TBC1D22A: variants seen among roughly 807,000 people sequenced by gnomAD.
TBC1D22A encodes putative GTPase activator.
TBC1D22A carries 38 observed loss-of-function variants against 60.2 expected under a neutral mutation model. The observed-to-expected ratio is 0.63, with a 90% CI of 0.49 to 0.83. TBC1D22A has a LOEUF of 0.83. Ranked by LOEUF, TBC1D22A falls within the 40% of genes least tolerant of loss-of-function variation. The pLI is 0.00. For missense variants in TBC1D22A, 628 were observed against 701.0 expected, an observed-to-expected ratio of 0.90 and a Z score of 1.18; for synonymous variants, 302 against 281.7, an observed-to-expected ratio of 1.07 and a Z score of -0.72.
intron 9 of TBC1D22A, among the ~76,000 whole-genome samples, chr22:46,978,040 G>T (rs1477143872): frequency 2.0e-5 from 3 of 152,222 alleles, no homozygotes; most frequent in Non-Finnish European, 4.4e-5. Context: ...GGTCCTCCAG[G>T]AGCGAACAGC....
intron 9 of TBC1D22A, among the ~76,000 whole-genome samples, chr22:46,983,388 G>T (rs2074592079): frequency 6.6e-6 from 1 of 152,234 alleles, no homozygotes; most frequent in African/African-American, 2.4e-5. Flanking sequence ...TGAGTTGTGT[G>T]GTAGCTTTGA....
At chr22:46,963,100 A>T (rs1602688844) in intron 8 of TBC1D22A, among the ~76,000 whole-genome samples, 1 of 151,580 alleles carries the variant, frequency 6.6e-6, no homozygotes, top group East Asian at 1.9e-4. Context: ...GGGCGCCTGT[A>T]GTCCCAGCTG....
At chr22:47,074,910 A>G (rs1261443846) in intron 11 of TBC1D22A, among the ~76,000 whole-genome samples, 1 of 152,162 alleles carries the variant, frequency 6.6e-6, no homozygotes, top group Non-Finnish European at 1.5e-5. Flanking sequence ...GGTTAATCAG[A>G]TTGAACAAAG....
At chr22:46,931,585 G>A (rs930322793) in intron 8 of TBC1D22A, among the ~76,000 whole-genome samples, 2 of 152,240 alleles carry the variant, frequency 1.3e-5, no homozygotes, top group African/African-American at 4.8e-5. Flanking sequence ...GCCACAGCCA[G>A]CAGAGGGTGC....
intron 4 of TBC1D22A, among the ~76,000 whole-genome samples, chr22:46,847,954 T>TGTGTGTGC (rs1389221108): frequency 9.3e-5 from 5 of 53,866 alleles, no homozygotes; most frequent in African/African-American, 2.9e-4. Context: ...TGTGTGTGTG[T>TGTGTGTGC]GCGCGCGCGC....
At chr22:47,085,956 G>A (rs1189113456) in intron 11 of TBC1D22A, among the ~76,000 whole-genome samples, 4 of 152,206 alleles carry the variant, frequency 2.6e-5, no homozygotes, top group Non-Finnish European at 4.4e-5. Context: ...GTGCAGACCA[G>A]ATTAAATTGT....
chr22:46,878,461 T>C (rs1017838733), intron 4 of TBC1D22A, among the ~76,000 whole-genome samples, 192 bp from the exon 5 acceptor site: 4 of 151,646 alleles, frequency 2.6e-5, no homozygotes, highest in African/African-American at 9.7e-5. Context: ...TGTAGCTTGG[T>C]TTGAATAGAA....
chr22:46,949,473 G>T (rs1042378139), intron 8 of TBC1D22A, among the ~76,000 whole-genome samples: 10 of 152,190 alleles, frequency 6.6e-5, no homozygotes, highest in Non-Finnish European at 1.5e-4. Context: ...CACAATGTTT[G>T]TGTGGGGCCT....
intron 11 of TBC1D22A, among the ~76,000 whole-genome samples, chr22:47,043,802 G>C (rs1006926014): frequency 6.6e-6 from 1 of 152,180 alleles, no homozygotes; most frequent in African/African-American, 2.4e-5. Flanking sequence ...GGGGCGCAGT[G>C]TGCTCTATGT....
At chr22:46,833,424 C>T (rs2086391604) in intron 4 of TBC1D22A, among the ~76,000 whole-genome samples, 1 of 152,202 alleles carries the variant, frequency 6.6e-6, no homozygotes, top group African/African-American at 2.4e-5. Flanking sequence ...TAGAAACCAG[C>T]ATGGCCGGCC....
chr22:46,989,446 T>C (rs136132), intron 9 of TBC1D22A, among the ~76,000 whole-genome samples: 56,472 of 152,006 alleles, frequency 0.37, 11,026 homozygotes, highest in African/African-American at 0.5. Context: ...AGTGAGAGAA[T>C]GTGCGACTCT....
chr22:47,091,474 TGCTGGGGAGTGGCCTCGTGGAGG>T (rs1306332022), intron 11 of TBC1D22A, among the ~76,000 whole-genome samples: 16 of 143,088 alleles, frequency 1.1e-4, no homozygotes, highest in Admixed American at 2.9e-4. Flanking sequence ...AAGTCGTCTT[TGCTGGGGAGTGGCCTCGTGGAGG>T]GGGTGGCTGC....
At chr22:47,127,562 A>G (rs1179938438) in intron 12 of TBC1D22A, among the ~76,000 whole-genome samples, 1 of 151,974 alleles carries the variant, frequency 6.6e-6, no homozygotes, top group East Asian at 1.9e-4. Context: ...CTAGGCTTTC[A>G]TTATTGCAGC....
chr22:46,773,253 C>T (rs2083565608), intron 1 of TBC1D22A, among the ~76,000 whole-genome samples: 1 of 152,210 alleles, frequency 6.6e-6, no homozygotes, highest in Admixed American at 6.5e-5. Context: ...TGTCCTGTCA[C>T]AGGGTGGGGA....
chr22:47,086,751 C>T (rs2064708636), intron 11 of TBC1D22A, among the ~76,000 whole-genome samples: 1 of 152,122 alleles, frequency 6.6e-6, no homozygotes, highest in African/African-American at 2.4e-5. Flanking sequence ...GAGCACAGTG[C>T]GGCAGCAGGG....
chr22:47,051,905 G>GCGGT (rs1461736458), intron 11 of TBC1D22A, among the ~76,000 whole-genome samples: 1 of 152,260 alleles, frequency 6.6e-6, no homozygotes, highest in East Asian at 1.9e-4. Flanking sequence ...ACCCTGAAAG[G>GCGGT]CGGTCACTGT....
chr22:47,008,917 C>T (rs1456550226), intron 10 of TBC1D22A, among the ~76,000 whole-genome samples: 1 of 152,092 alleles, frequency 6.6e-6, no homozygotes, highest in Non-Finnish European at 1.5e-5. Flanking sequence ...AATGCCAGGC[C>T]AGGAGCAACA....
intron 12 of TBC1D22A, among the ~76,000 whole-genome samples, chr22:47,113,455 A>C (rs1438109948): frequency 1.3e-5 from 2 of 151,994 alleles, no homozygotes; most frequent in Admixed American, 1.3e-4. Flanking sequence ...GGTGTGCCTG[A>C]AGCTGCAGGG....
In TBC1D22A at chr22:47,117,810, G is replaced by A. The variant is rs1293086752; in HGVS notation, c.1425+6207G>A. On this transcript the variant is annotated intron_variant, in intron 12 of 12. Coordinates refer to ENST00000337137, the MANE Select transcript of TBC1D22A (RefSeq NM_014346.5). ...AAGCAACCATAGGAGGAAAGTTTAA[G>A]CATATTTAGTTGGATTAAAAATAAG... 2.6e-5 allele frequency among the ~76,000 whole-genome samples: 4 copies of A among 152,308 alleles called. No individual in the cohort carries two copies. The East Asian group carries it at 7.7e-4, about 29-fold the overall frequency.
Sources: allele counts gnomAD v4.1 joint callset (sites outside exome capture counted in the v4.1 genomes callset), GRCh38; gene constraint gnomAD v4.1.1; transcripts MANE v1.5; gene names NCBI Gene and HGNC (gene_info 2026-07-23, HGNC 2026-07-21).